NCAM2: variants seen among roughly 807,000 people sequenced by gnomAD.
NCAM2 encodes N-CAM-2.
Under a neutral mutation model 98.1 loss-of-function variants are expected in NCAM2, and 30 were observed. The ratio of observed to expected loss-of-function variants is 0.31; its 90% CI spans 0.23 to 0.41. NCAM2 has a LOEUF of 0.41. Among genes scored for constraint, NCAM2 ranks in the 10% least tolerant of loss-of-function variants. NCAM2 has a pLI of 1.00. For missense variants in NCAM2, 867 were observed against 1,005.8 expected, an observed-to-expected ratio of 0.86 and a Z score of 1.87; for synonymous variants, 368 against 342.4, an observed-to-expected ratio of 1.07 and a Z score of -0.83.
intron 1 of NCAM2, among the ~76,000 whole-genome samples, chr21:21,020,595 C>T (rs532383682): frequency 6.6e-6 from 1 of 152,306 alleles, no homozygotes; most frequent in Non-Finnish European, 1.5e-5. Context: ...GGCTCCACCT[C>T]AGCTCCCACT....
chr21:21,530,293 T>A (rs1989600170), intron 16 of NCAM2, among the ~76,000 whole-genome samples: 1 of 124,244 alleles, frequency 8.0e-6, no homozygotes, highest in South Asian at 2.4e-4. Context: ...TTTAATTATA[T>A]ATAATTAAAT....
chr21:21,322,855 C>T (rs1347897629), intron 5 of NCAM2, among the ~76,000 whole-genome samples: 1 of 152,150 alleles, frequency 6.6e-6, no homozygotes, highest in African/African-American at 2.4e-5. Context: ...TCTCTGTTGC[C>T]TAAGCAACCG....
At chr21:21,364,113 G>A (rs1034529258) in intron 8 of NCAM2, among the ~76,000 whole-genome samples, 31 of 151,982 alleles carry the variant, frequency 2.0e-4, no homozygotes, top group Admixed American at 1.9e-3. Context: ...TTAGTTTTTA[G>A]CCACTCATCT....
chr21:21,396,161 G>GAA (rs34951356), intron 9 of NCAM2, among the ~76,000 whole-genome samples: 2 of 137,758 alleles, frequency 1.5e-5, no homozygotes, highest in Admixed American at 7.3e-5. Flanking sequence ...AAATCAGCAA[G>GAA]AAAAAAAAAA....
intron 1 of NCAM2, among the ~76,000 whole-genome samples, chr21:21,233,487 T>C (rs2147196533): frequency 6.6e-6 from 1 of 151,820 alleles, no homozygotes. Flanking sequence ...CCATTTTCTC[T>C]TCATATAGAC....
chr21:21,265,031 G>GTATATATACACATATATTATA lies in NCAM2; in HGVS notation c.56-15540_56-15539insACACATATATTATATATATAT, dbSNP rs1568855399. On this transcript the variant is annotated intron_variant, in intron 1 of 17. Transcript: ENST00000400546. The stretch of plus-strand genomic sequence containing the variant: ...ACATATATATTATATATGTGTCTGT[G>GTATATATACACATATATTATA]TATATATGTACACATATATACTATA... 3.1e-5 allele frequency among the ~76,000 whole-genome samples: 2 copies of GTATATATACACATATATTATA among 65,532 alleles called. 1 individual carries two copies. The allele number at this position is 65,532 out of a possible 152,430, so 43.0% of individuals were successfully genotyped here. A position where few individuals can be genotyped will look rare whatever the true frequency, so the allele number is the denominator to read the frequency against.
intron 1 of NCAM2, among the ~76,000 whole-genome samples, chr21:21,208,082 G>A (rs1296720312): frequency 1.3e-5 from 2 of 152,116 alleles, no homozygotes; most frequent in South Asian, 2.1e-4. Flanking sequence ...GTGAACTTGA[G>A]TAACCAAATT....
intron 1 of NCAM2, among the ~76,000 whole-genome samples, chr21:21,062,135 A>G (rs1421560997): frequency 6.6e-6 from 1 of 152,160 alleles, no homozygotes; most frequent in African/African-American, 2.4e-5. Flanking sequence ...GAGGAGCTTT[A>G]AGTGAGTAAA....
intron 9 of NCAM2, among the ~76,000 whole-genome samples, chr21:21,401,663 A>G (rs1271237777): frequency 6.6e-6 from 1 of 152,136 alleles, no homozygotes; most frequent in Non-Finnish European, 1.5e-5. Flanking sequence ...CATTTTGTAT[A>G]TATACTATGT....
chr21:21,303,461 CTT>C, intron 5 of NCAM2, among the ~76,000 whole-genome samples: 1 of 152,036 alleles, frequency 6.6e-6, no homozygotes, highest in Non-Finnish European at 1.5e-5. Context: ...TATGTCATCT[CTT>C]TTTATTGCTA....
At chr21:21,034,242 ATGG>A (rs2146235661) in intron 1 of NCAM2, among the ~76,000 whole-genome samples, 1 of 152,270 alleles carries the variant, frequency 6.6e-6, no homozygotes, top group African/African-American at 2.4e-5. Flanking sequence ...TCGTCTCTAT[ATGG>A]TGTAAGCATA....
intron 12 of NCAM2, among the ~76,000 whole-genome samples, chr21:21,459,760 A>T: frequency 6.6e-6 from 1 of 151,674 alleles, no homozygotes; most frequent in South Asian, 2.1e-4. Context: ...TGGTCAAGGG[A>T]TACAAAATTT....
intron 1 of NCAM2, among the ~76,000 whole-genome samples, chr21:21,066,188 G>A (rs1245091224): frequency 1.3e-5 from 2 of 151,704 alleles, no homozygotes; most frequent in Non-Finnish European, 2.9e-5. Context: ...TTCATCTTTT[G>A]CTGATGAATT....
chr21:21,432,975 A>T (rs1372698449), intron 12 of NCAM2, among the ~76,000 whole-genome samples: 2 of 152,176 alleles, frequency 1.3e-5, no homozygotes, highest in African/African-American at 2.4e-5. Flanking sequence ...AATGTTCCAT[A>T]GGTCTGTTCT....
At chr21:21,405,272 A>C (rs1159539726) in intron 9 of NCAM2, among the ~76,000 whole-genome samples, 2 of 152,122 alleles carry the variant, frequency 1.3e-5, no homozygotes, top group African/African-American at 2.4e-5. Flanking sequence ...TGAAAAAAGC[A>C]TACACAATAT....
intron 1 of NCAM2, among the ~76,000 whole-genome samples, chr21:21,277,662 G>A (rs1288083689): frequency 1.3e-5 from 2 of 152,100 alleles, no homozygotes; most frequent in Non-Finnish European, 2.9e-5. Context: ...GGAAAGGCAA[G>A]TTTCCTTCCA....
At chr21:21,066,973 A>G (rs918147314) in intron 1 of NCAM2, among the ~76,000 whole-genome samples, 2 of 152,006 alleles carry the variant, frequency 1.3e-5, no homozygotes, top group South Asian at 2.1e-4. Flanking sequence ...CTTAATGTTA[A>G]CTAAATGTTA....
chr21:21,469,961 G>A (rs1984222486), intron 14 of NCAM2, among the ~76,000 whole-genome samples: 1 of 151,956 alleles, frequency 6.6e-6, no homozygotes, highest in Admixed American at 6.6e-5. Context: ...TGGACTGTTA[G>A]AACAGGCTTT....
intron 12 of NCAM2, among the ~76,000 whole-genome samples, chr21:21,440,288 A>G (rs1218348755): frequency 6.6e-6 from 1 of 152,204 alleles, no homozygotes; most frequent in Admixed American, 6.5e-5. Flanking sequence ...ATGTATCAAA[A>G]TTAATGAATT....
Sources: gnomAD v4.1 joint callset for allele counts (sites outside exome capture counted in the v4.1 genomes callset) on GRCh38, gnomAD v4.1.1 for gene constraint, MANE v1.5 for transcripts, NCBI Gene and HGNC (gene_info 2026-07-23, HGNC 2026-07-21) for gene names.